ABLIM2: variants seen among roughly 807,000 people sequenced by gnomAD.
ABLIM2 encodes actin binding LIM protein family member 2, also known as actin-binding LIM protein 2.
ABLIM2 carries 53 observed loss-of-function variants against 97.7 expected under a neutral mutation model. The observed-to-expected ratio is 0.54, with a 90% CI of 0.44 to 0.68. The LOEUF is 0.68. Among genes scored for constraint, ABLIM2 ranks in the 30% least tolerant of loss-of-function variants. The pLI is 0.00. For missense variants in ABLIM2, 835 were observed against 867.2 expected (o/e 0.96, Z 0.47); for synonymous variants, 361 against 345.8 (o/e 1.04, Z -0.49).
intron 16 of ABLIM2, among the ~76,000 whole-genome samples, chr4:7,993,142 C>T (rs113235836): frequency 1.9e-3 from 290 of 152,304 alleles, no homozygotes; most frequent in African/African-American, 6.6e-3. Flanking sequence ...TGAGCCTGCC[C>T]GTGACACCGG....
intron 11 of ABLIM2, among the ~76,000 whole-genome samples, 163 bp downstream of exon 11, chr4:8,029,493 G>C (rs1779456363): frequency 6.7e-6 from 1 of 149,670 alleles, no homozygotes. Flanking sequence ...AAATGAACAG[G>C]TTCTCAGCCA....
chr4:8,080,557 G>C (rs559780157), intron 5 of ABLIM2, 119 bp downstream of exon 5: 458 of 1,177,722 alleles, frequency 3.9e-4, no homozygotes, highest in Non-Finnish European at 4.9e-4. Flanking sequence ...AGTAGTAGCT[G>C]TGTGAGGAAT....
rs1241387563 is a variant in ABLIM2, at chr4:8,113,239, T to C, written c.11-6602A>G. ...CCTCCCGAGTAGCTGGGACCACAAG[T>C]GTGTGCCACCACACCCAGCTAATTT... On this transcript the variant is annotated intron_variant, in intron 1 of 20. Transcript: ENST00000447017. The surrounding 1 kb of genome is among the most constrained non-coding windows in gnomAD (Gnocchi z 4.5). Among the ~76,000 whole-genome samples the C allele has an allele frequency of 6.6e-6, 1 of 152,096 alleles. No homozygotes were observed. Among genetic ancestry groups the C allele is most frequent in the Non-Finnish European group, 1.5e-5 (1 of 68,004 alleles).
rs796877068 is a variant in ABLIM2, at chr4:8,003,561, CTT to C, written c.1618+4496_1618+4497del. 3.8e-4 allele frequency among the ~76,000 whole-genome samples: 46 copies of C among 120,174 alleles called. No homozygotes were observed. The highest frequency in any genetic ancestry group is 5.7e-4 in the Non-Finnish European group (32 of 56,204). The allele number at this position is 120,174 out of a possible 152,430, so 78.8% of individuals were successfully genotyped here. ...ACCACTACGCTCTTCTTCCAGTTTT[CTT>C]TTTTTTTTTTTTTTTTTTTGGAGAT... On this transcript the variant is annotated intron_variant, in intron 16 of 20. Coordinates refer to ENST00000447017, the MANE Select transcript of ABLIM2 (RefSeq NM_001130083.2). The surrounding 1 kb of genome is among the most constrained non-coding windows in gnomAD (Gnocchi z 4.2).
chr4:8,158,339 A>G (rs1054405611), intron 1 of ABLIM2, among the ~76,000 whole-genome samples: 3 of 152,048 alleles, frequency 2.0e-5, no homozygotes, highest in Non-Finnish European at 2.9e-5. Flanking sequence ...CCCGGACCCC[A>G]GGCCCCCGCG....
In ABLIM2 at chr4:8,069,658, G is replaced by A. The variant is rs1028375790; in HGVS notation, c.675+7970C>T. 1.2e-4 allele frequency among the ~76,000 whole-genome samples: 19 copies of A among 152,040 alleles called. No individual in the cohort carries two copies. The highest frequency in any genetic ancestry group is 4.1e-4 in the African/African-American group (17 of 41,414). ...ATCGTGTGTGCTGTCTTGGTTGTCT[G>A]TGTGCATTTCTGTGTGTCTCTGTGT... is the stretch of plus-strand genomic sequence containing the variant. On this transcript the variant is annotated intron_variant, in intron 6 of 20. Coordinates refer to ENST00000447017, the MANE Select transcript of ABLIM2 (RefSeq NM_001130083.2). The surrounding 1 kb of genome is among the most constrained non-coding windows in gnomAD (Gnocchi z 4.2).
chr4:8,063,458 A>C (rs572992042), intron 6 of ABLIM2, among the ~76,000 whole-genome samples: 12 of 152,378 alleles, frequency 7.9e-5, no homozygotes, highest in Admixed American at 2.0e-4. Context: ...TGTTACACAC[A>C]TTAACTTGTC....
At chr4:8,144,491 C>A (rs578161967) in intron 1 of ABLIM2, among the ~76,000 whole-genome samples, 1 of 151,720 alleles carries the variant, frequency 6.6e-6, no homozygotes, top group Non-Finnish European at 1.5e-5. Context: ...CGCTGAGCTG[C>A]GAGAAGGCTT....
In ABLIM2 at chr4:8,005,687, A is replaced by G. The variant is rs1760810328; in HGVS notation, c.1618+2372T>C. Reference sequence around the variant, plus strand: ...AGTCTGGGTCCTCGCTGCCATTTCCATGCAAATCGGGAAACAAGGCAATGC... The same window carrying G: ...AGTCTGGGTCCTCGCTGCCATTTCCGTGCAAATCGGGAAACAAGGCAATGC... On this transcript the variant is annotated intron_variant, in intron 16 of 20. Coordinates refer to ENST00000447017, the MANE Select transcript of ABLIM2 (RefSeq NM_001130083.2). The surrounding 1 kb of genome is among the most constrained non-coding windows in gnomAD (Gnocchi z 4.9). 6.6e-6 allele frequency among the ~76,000 whole-genome samples: 1 copy of G among 152,210 alleles called. No homozygotes were observed. Among genetic ancestry groups the G allele is most frequent in the Non-Finnish European group, 1.5e-5 (1 of 68,042 alleles).
At chr4:8,076,413 C>T (rs1465432646) in intron 6 of ABLIM2, among the ~76,000 whole-genome samples, 2 of 152,216 alleles carry the variant, frequency 1.3e-5, no homozygotes, top group African/African-American at 2.4e-5. Flanking sequence ...ATTCCACCCT[C>T]TCCAGACTGG....
Position 8,009,090 on chromosome 4 carries a change from G to A in ABLIM2, c.1436C>T (p.Ser479Leu), listed in dbSNP as rs781433817. The A allele has an allele frequency of 1.6e-5, 26 of 1,613,884 alleles. 1 individual carries two copies. The highest frequency in any genetic ancestry group is 1.5e-4 in the South Asian group (14 of 91,084). Reference protein sequence around the residue: ...PIYRQHAARRSDGEDGSLDQD... With the variant: ...PIYRQHAARRLDGEDGSLDQD... ...GTCCAAGCTTCCATCCTCCCCATCC[G>A]ATCGCCTGGCAGCTGGAAGGGAAAA... is the stretch of plus-strand genomic sequence containing the variant. Residue 479 changes from serine to leucine, a missense_variant, in exon 15 of 21, where the codon TCG becomes TTG. By Grantham distance (145) the Ser-to-Leu change is moderately radical. Coordinates refer to ENST00000447017, the MANE Select transcript of ABLIM2 (RefSeq NM_001130083.2).
At chr4:8,144,482 G>A (rs1359442730) in intron 1 of ABLIM2, among the ~76,000 whole-genome samples, 3 of 151,798 alleles carry the variant, frequency 2.0e-5, no homozygotes, top group Non-Finnish European at 4.4e-5. Context: ...TGACTCCCGC[G>A]CTGAGCTGCG....
At chr4:8,036,857 T>C (rs1197472964) in intron 9 of ABLIM2, among the ~76,000 whole-genome samples, 1 of 151,062 alleles carries the variant, frequency 6.6e-6, no homozygotes, top group Admixed American at 6.6e-5. Flanking sequence ...ACACACACAC[T>C]GCACACACAA....
At chr4:8,111,607 C>CT (rs1396081104) in intron 1 of ABLIM2, among the ~76,000 whole-genome samples, 2 of 152,148 alleles carry the variant, frequency 1.3e-5, no homozygotes, top group Non-Finnish European at 2.9e-5. Context: ...AAGAGATGCT[C>CT]TGAGAAATAA....
rs2150774200 is a variant in ABLIM2 at position 8,017,304 on chromosome 4, T to TTA, written c.1423+2313_1423+2314insTA. Among the ~76,000 whole-genome samples, 4 of 149,614 alleles carry TTA rather than the reference T, an allele frequency of 2.7e-5. No individual in the cohort carries two copies. The South Asian group carries it at 6.3e-4, about 23-fold the overall frequency. Reference sequence around the variant, plus strand: ...ATTTATTATTATTATTATTATTATTTTTTTTTTTCAGAGAGAGTCTCACTC... The same window carrying TTA: ...ATTTATTATTATTATTATTATTATTTTATTTTTTTTCAGAGAGAGTCTCACTC... On this transcript the variant is annotated intron_variant, in intron 14 of 20. Transcript: ENST00000447017.
chr4:8,079,796 A>G (rs981378265), intron 5 of ABLIM2, among the ~76,000 whole-genome samples: 1 of 152,128 alleles, frequency 6.6e-6, no homozygotes, highest in African/African-American at 2.4e-5. Context: ...CACTCCATGC[A>G]GTTTTATCAC....
In ABLIM2 at chr4:8,154,470, T is replaced by G. The variant is rs536827101; in HGVS notation, c.10+4210A>C. 2.7e-5 allele frequency among the ~76,000 whole-genome samples: 4 copies of G among 149,826 alleles called. 1 individual carries two copies. The highest frequency in any genetic ancestry group is 2.0e-4 in the East Asian group (1 of 5,112). On this transcript the variant is annotated intron_variant, in intron 1 of 20. Transcript: ENST00000447017. The stretch of plus-strand genomic sequence containing the variant: ...CTAATTTTTGTATTTTTAGTAGAGA[T>G]GGGGTTTCACCATGTTGGCCAGGAT...
intron 4 of ABLIM2, among the ~76,000 whole-genome samples, chr4:8,084,118 T>C (rs1821708035): frequency 6.6e-6 from 1 of 152,206 alleles, no homozygotes; most frequent in Non-Finnish European, 1.5e-5. Context: ...GCTCCAAAAC[T>C]TGAGAGTGAT....
chr4:8,140,289 A>G lies in ABLIM2; in HGVS notation c.10+18391T>C, dbSNP rs1256140100. Among the ~76,000 whole-genome samples the G allele has an allele frequency of 6.6e-6, 1 of 152,128 alleles. No individual in the cohort carries two copies. Among genetic ancestry groups the G allele is most frequent in the Admixed American group, 6.5e-5 (1 of 15,274 alleles). On this transcript the variant is annotated intron_variant, in intron 1 of 20. Transcript: ENST00000447017. This position sits in a 1 kb window ranked among gnomAD's most constrained non-coding sequence, Gnocchi z 5.9. The stretch of plus-strand genomic sequence containing the variant: ...AAATTAAGAAAAAAATACAAAACAA[A>G]AGCAATGCTCCCCATCTGGTGAAGG...
Sources: gnomAD v4.1 joint callset for allele counts (sites outside exome capture counted in the v4.1 genomes callset) on GRCh38, gnomAD v4.1.1 for gene constraint, Gnocchi (gnomAD v3.1) non-coding constraint, MANE v1.5 for transcripts, NCBI Gene and HGNC (gene_info 2026-07-23, HGNC 2026-07-21) for gene names.